PCDHA12: variants seen among roughly 807,000 people sequenced by gnomAD.
PCDHA12 encodes protocadherin alpha-12.
A neutral mutation model predicts 60.0 loss-of-function variants in PCDHA12; 44 were observed. That is an observed-to-expected ratio of 0.73 (90% CI 0.58 to 0.94). The LOEUF is 0.94. Among genes scored for constraint, PCDHA12 ranks in the 40% least tolerant of loss-of-function variants. The pLI, the probability that PCDHA12 is intolerant of heterozygous loss-of-function variation, is 0.00. For missense variants in PCDHA12, 1,276 were observed against 1,239.7 expected (o/e 1.03, Z -0.44); for synonymous variants, 569 against 553.0 (o/e 1.03, Z -0.40).
intron 1 of PCDHA12, among the ~76,000 whole-genome samples, chr5:140,934,368 C>A (rs2089796426): frequency 6.6e-6 from 1 of 152,102 alleles, no homozygotes; most frequent in African/African-American, 2.4e-5. Context: ...TGCTTTGACT[C>A]CTTCTGTGGT....
intron 1 of PCDHA12, among the ~76,000 whole-genome samples, chr5:140,925,287 A>G (rs905857397): frequency 4.7e-4 from 72 of 152,294 alleles, no homozygotes; most frequent in African/African-American, 1.7e-3. Context: ...TGCCTTTCAA[A>G]TGTTTCATTA....
Position 140,929,116 on chromosome 5 carries a change from A to G in PCDHA12, c.2368-49833A>G, listed in dbSNP as rs535394812. The G allele has an allele frequency of 2.9e-5, 47 of 1,614,170 alleles. No homozygotes were observed. The East Asian group carries it at 8.9e-4, about 31-fold the overall frequency. Reference sequence around the variant, plus strand: ...AAATCCTTGCATGACATCAGCCACCATAGATGTCACTACAGTTGAGAGACT... The same window carrying G: ...AAATCCTTGCATGACATCAGCCACCGTAGATGTCACTACAGTTGAGAGACT... On this transcript the variant is annotated intron_variant, in intron 1 of 3. Coordinates refer to ENST00000398631, the MANE Select transcript of PCDHA12 (RefSeq NM_018903.4).
In PCDHA12 at chr5:140,877,291, C is replaced by G. The variant is rs527823173; in HGVS notation, c.1819C>G (p.Leu607Val). The change falls in exon 1 of 4, where the codon CTG (leucine) becomes GTG (valine). Residue 607 changes from leucine to valine, a missense_variant. By Grantham distance (32) the Leu-to-Val change is conservative (BLOSUM62 1). Coordinates refer to ENST00000398631, the MANE Select transcript of PCDHA12 (RefSeq NM_018903.4). ...CGCTGACTCCGGCTATAACGCTTGG[C>G]TGTCCTACGAGTTGCAACCGGCGGC... Reference protein sequence around the residue: ...VDADSGYNAWLSYELQPAAVG... With the variant: ...VDADSGYNAWVSYELQPAAVG... 4 of 1,613,932 alleles carry G rather than the reference C, an allele frequency of 2.5e-6. No homozygotes were observed. In the African/African-American group the frequency reaches 4.0e-5, roughly 16 times the overall value.
At chr5:140,961,646 T>C (rs554070301) in intron 1 of PCDHA12, among the ~76,000 whole-genome samples, 19 of 152,328 alleles carry the variant, frequency 1.2e-4, no homozygotes, top group African/African-American at 4.6e-4. Flanking sequence ...TAAGTCTATG[T>C]GGTTAGTTTG....
chr5:140,881,510 A>G (rs2058738971), intron 1 of PCDHA12: 1 of 210,204 alleles, frequency 4.8e-6, no homozygotes, highest in Non-Finnish European at 8.3e-6. Context: ...ACACTCACAT[A>G]CAAAATCCCA....
At chr5:140,928,271 C>G in intron 1 of PCDHA12, 2 of 1,614,186 alleles carry the variant, frequency 1.2e-6, no homozygotes, top group East Asian at 4.5e-5. Flanking sequence ...AACAATGGCC[C>G]TGGGGCCTCT....
Position 141,010,435 on chromosome 5 carries a change from A to C in PCDHA12, c.*498A>C. 1 of 1,039,068 alleles carries C rather than the reference A, an allele frequency of 9.6e-7. No individual in the cohort carries two copies. The highest frequency in any genetic ancestry group is 1.4e-6 in the Non-Finnish European group (1 of 739,892). The allele number at this position is 1,039,068 out of a possible 1,614,324, so 64.4% of individuals were successfully genotyped here. A position where few individuals can be genotyped will look rare whatever the true frequency, so the allele number is the denominator to read the frequency against. On this transcript the variant is annotated 3_prime_UTR_variant, in exon 4 of 4. Transcript: ENST00000398631. ...TGGTACAAGGAAGGCAAGAAAACAA[A>C]GACAAATAAACAGCGGAAGTTATCA...
At chr5:140,920,611 C>T (rs919244668) in intron 1 of PCDHA12, among the ~76,000 whole-genome samples, 4 of 152,068 alleles carry the variant, frequency 2.6e-5, no homozygotes, top group Non-Finnish European at 5.9e-5. Flanking sequence ...TTTGGGAGGC[C>T]GAGGCGGATG....
chr5:140,948,189 G>A (rs1032631604), intron 1 of PCDHA12, among the ~76,000 whole-genome samples: 4 of 151,532 alleles, frequency 2.6e-5, no homozygotes, highest in African/African-American at 9.7e-5. Context: ...ATCCCACTTA[G>A]TCATGATATA....
chr5:140,937,644 G>A (rs1554211697), intron 1 of PCDHA12, among the ~76,000 whole-genome samples: 1 of 151,048 alleles, frequency 6.6e-6, no homozygotes, highest in African/African-American at 2.4e-5. Flanking sequence ...AGGGCATGGT[G>A]GCTCACGCCT....
chr5:140,892,993 C>T (rs2063771968), intron 1 of PCDHA12, among the ~76,000 whole-genome samples: 1 of 152,170 alleles, frequency 6.6e-6, no homozygotes, highest in Non-Finnish European at 1.5e-5. Flanking sequence ...TAAGTGAGAA[C>T]ATGTATTTAT....
At chr5:140,990,007 C>T (rs1188956345) in intron 3 of PCDHA12, among the ~76,000 whole-genome samples, 2 of 151,870 alleles carry the variant, frequency 1.3e-5, no homozygotes, top group African/African-American at 2.4e-5. Flanking sequence ...TCTCCAAGGG[C>T]GTGGGCTAGG....
intron 1 of PCDHA12, among the ~76,000 whole-genome samples, chr5:140,889,361 T>C (rs1005398759): frequency 2.0e-5 from 3 of 152,106 alleles, no homozygotes; most frequent in Non-Finnish European, 4.4e-5. Context: ...GATTACTGAC[T>C]CAATTTTAAT....
At position 141,011,517 on chromosome 5, in the gene PCDHA12, T is replaced by C. The variant is rs1397450262; in HGVS notation, c.*1580T>C. 2.6e-5 allele frequency: 4 copies of C among 153,768 alleles called. No individual in the cohort carries two copies. The highest frequency in any genetic ancestry group is 5.9e-5 in the Non-Finnish European group (4 of 68,028). The allele number at this position is 153,768 out of a possible 1,614,324, so 9.5% of individuals were successfully genotyped here. On this transcript the variant is annotated 3_prime_UTR_variant, in exon 4 of 4. Transcript: ENST00000398631. Reference sequence around the variant, plus strand: ...ACCTGTGAAAAAGTGGAGTAGTGTTTTTTTAACCATTGTTAATCAGCTTTT... The same window carrying C: ...ACCTGTGAAAAAGTGGAGTAGTGTTCTTTTAACCATTGTTAATCAGCTTTT...
chr5:140,963,151 A>G (rs544176369), intron 1 of PCDHA12, among the ~76,000 whole-genome samples: 2 of 152,326 alleles, frequency 1.3e-5, no homozygotes, highest in South Asian at 4.1e-4. Context: ...ATGAATTTAA[A>G]AATGACACAT....
At chr5:141,009,500 A>G (rs2098409925) in intron 3 of PCDHA12, 127 bp from the exon 4 acceptor site, 2 of 1,494,658 alleles carry the variant, frequency 1.3e-6, no homozygotes, top group Non-Finnish European at 1.8e-6. Flanking sequence ...TCAGACTTGA[A>G]CAAACAACTC....
At chr5:140,961,252 C>T (rs1185090498) in intron 1 of PCDHA12, among the ~76,000 whole-genome samples, 1 of 152,158 alleles carries the variant, frequency 6.6e-6, no homozygotes, top group African/African-American at 2.4e-5. Context: ...TTATCCGAAG[C>T]TCCAGGAAGC....
intron 1 of PCDHA12, chr5:140,968,123 C>T (rs782499744): frequency 1.1e-5 from 17 of 1,614,058 alleles, no homozygotes; most frequent in Admixed American, 3.3e-5. Context: ...CACATCCCTG[C>T]GTACACTGAA....
chr5:140,942,906 G>A (rs1454697434), intron 1 of PCDHA12, among the ~76,000 whole-genome samples: 1 of 151,800 alleles, frequency 6.6e-6, no homozygotes, highest in South Asian at 2.1e-4. Flanking sequence ...CTAAGAATAA[G>A]CGTGAAGAAA....
Sources: allele counts gnomAD v4.1 joint callset (sites outside exome capture counted in the v4.1 genomes callset), GRCh38; gene constraint gnomAD v4.1.1; transcripts MANE v1.5; gene names NCBI Gene and HGNC (gene_info 2026-07-23, HGNC 2026-07-21).